The following MARCHF1 variants were observed in gnomAD, a reference collection of about 807,000 sequenced individuals.
The protein encoded by MARCHF1 is membrane associated ring-CH-type finger 1.
In MARCHF1, 40 loss-of-function variants were observed where a neutral mutation model predicts 54.2. The ratio of observed to expected loss-of-function variants is 0.74; its 90% CI spans 0.57 to 0.96. The LOEUF (loss-of-function observed/expected upper bound fraction) is 0.96. Ranked by LOEUF, MARCHF1 falls within the 40% of genes least tolerant of loss-of-function variation. The pLI, the probability that MARCHF1 is intolerant of heterozygous loss-of-function variation, is 0.00. For synonymous variants in MARCHF1, 236 were observed against 236.3 expected, an observed-to-expected ratio of 1.00 and a Z score of 0.01; for missense variants, 586 against 656.5, an observed-to-expected ratio of 0.89 and a Z score of 1.17.
intron 4 of MARCHF1, among the ~76,000 whole-genome samples, chr4:163,823,265 A>G (rs1748749619): frequency 6.6e-6 from 1 of 151,840 alleles, no homozygotes; most frequent in Non-Finnish European, 1.5e-5. Flanking sequence ...CAGCTACCCC[A>G]GTAAGGAAGC....
At chr4:163,777,099 T>C (rs13114601) in intron 4 of MARCHF1, among the ~76,000 whole-genome samples, 131,451 of 152,194 alleles carry the variant, frequency 0.86, 57,768 homozygotes, top group East Asian at 0.95. Flanking sequence ...TTATGATTAT[T>C]TGCATCTGGG....
rs201668396 is a variant in MARCHF1 at position 163,702,237 on chromosome 4, T to C, written c.112-1374A>G. Among the ~76,000 whole-genome samples, 15 of 152,260 alleles carry C rather than the reference T, an allele frequency of 9.9e-5. No individual in the cohort carries two copies. In the East Asian group the frequency reaches 2.9e-3, roughly 29 times the overall value. The stretch of plus-strand genomic sequence containing the variant: ...AACAGCCCCATGCTCCAGCTGGAGA[T>C]TAATGTATATGCTACCACAGACATT... On this transcript the variant is annotated intron_variant, in intron 4 of 9. Transcript: ENST00000514618.
chr4:163,646,645 C>T (rs542600404), intron 5 of MARCHF1, among the ~76,000 whole-genome samples: 22 of 151,824 alleles, frequency 1.4e-4, no homozygotes, highest in South Asian at 1.0e-3. Flanking sequence ...TATTTGTATG[C>T]GGGGAGTAAA....
intron 2 of MARCHF1, among the ~76,000 whole-genome samples, chr4:164,007,958 A>G (rs1350696419): frequency 6.6e-6 from 1 of 152,138 alleles, no homozygotes; most frequent in African/African-American, 2.4e-5. Flanking sequence ...GGCAGGAGTA[A>G]GTACTCACTC....
intron 8 of MARCHF1, among the ~76,000 whole-genome samples, chr4:163,550,507 CTTTT>C (rs35963243): frequency 0.012 from 1,773 of 142,190 alleles, 42 homozygotes; most frequent in African/African-American, 0.042. Context: ...TACGGTAGCC[CTTTT>C]TTTTTTTTTT....
At chr4:164,035,244 A>G (rs1043099744) in intron 2 of MARCHF1, among the ~76,000 whole-genome samples, 1 of 152,076 alleles carries the variant, frequency 6.6e-6, no homozygotes, top group Non-Finnish European at 1.5e-5. Flanking sequence ...GTTATTCTAA[A>G]TGTCTTCAGA....
chr4:164,083,858 A>C (rs1216147406), intron 2 of MARCHF1, among the ~76,000 whole-genome samples: 1 of 152,114 alleles, frequency 6.6e-6, no homozygotes, highest in East Asian at 1.9e-4. Context: ...GCATGAAAAC[A>C]GAGGTAAAAA....
intron 1 of MARCHF1, among the ~76,000 whole-genome samples, chr4:164,118,442 A>C (rs1285650524): frequency 6.6e-6 from 1 of 150,894 alleles, no homozygotes; most frequent in Non-Finnish European, 1.5e-5. Flanking sequence ...TATTTGTATA[A>C]ACATATAAAT....
chr4:163,887,467 C>T (rs1395747923), intron 3 of MARCHF1, among the ~76,000 whole-genome samples: 1 of 152,064 alleles, frequency 6.6e-6, no homozygotes. Context: ...TGTTCAGGGA[C>T]CAGCAGCACC....
At chr4:163,641,223 C>A (rs545090246) in intron 5 of MARCHF1, among the ~76,000 whole-genome samples, 1 of 152,010 alleles carries the variant, frequency 6.6e-6, no homozygotes, top group Non-Finnish European at 1.5e-5. Context: ...AAAGTTGTTA[C>A]TTTATAAAAT....
chr4:163,989,626 TA>T, intron 2 of MARCHF1, among the ~76,000 whole-genome samples: 1 of 152,370 alleles, frequency 6.6e-6, no homozygotes, highest in East Asian at 1.9e-4. Flanking sequence ...TTCTGCTTTT[TA>T]AATTTAAAAA....
intron 1 of MARCHF1, among the ~76,000 whole-genome samples, chr4:164,179,071 T>G (rs1251431015): frequency 6.6e-6 from 1 of 152,186 alleles, no homozygotes; most frequent in Non-Finnish European, 1.5e-5. Context: ...GGGATGAGAC[T>G]ACGTTCTCCT....
intron 1 of MARCHF1, among the ~76,000 whole-genome samples, chr4:164,139,288 G>A (rs939316211): frequency 2.0e-5 from 3 of 152,038 alleles, no homozygotes; most frequent in Non-Finnish European, 4.4e-5. Context: ...TTCACAAAAC[G>A]GCAATATTCC....
intron 1 of MARCHF1, among the ~76,000 whole-genome samples, chr4:164,322,635 G>A (rs1170522001): frequency 6.6e-6 from 1 of 151,974 alleles, no homozygotes; most frequent in Non-Finnish European, 1.5e-5. Flanking sequence ...TCTTCATGAT[G>A]TTCTTGTTTT....
chr4:164,008,747 G>A (rs534768001), intron 2 of MARCHF1, among the ~76,000 whole-genome samples: 2 of 152,184 alleles, frequency 1.3e-5, no homozygotes, highest in South Asian at 4.1e-4. Context: ...TGAGTCAATT[G>A]AGAAGTTAAG....
intron 3 of MARCHF1, among the ~76,000 whole-genome samples, chr4:163,987,479 A>T (rs1003062607): frequency 1.8e-4 from 27 of 151,590 alleles, no homozygotes; most frequent in Middle Eastern, 6.8e-3. Context: ...CCTTTCAAAC[A>T]CTCCTTGACA....
chr4:163,693,448 T>A (rs935810706), intron 5 of MARCHF1, among the ~76,000 whole-genome samples: 2 of 151,326 alleles, frequency 1.3e-5, no homozygotes, highest in African/African-American at 4.9e-5. Context: ...CCTAGAATGA[T>A]AGAAGGTTCT....
chr4:164,141,906 G>A (rs188575112), intron 1 of MARCHF1, among the ~76,000 whole-genome samples: 1,614 of 150,506 alleles, frequency 0.011, 25 homozygotes, highest in African/African-American at 0.037. Context: ...TCCATCTGAG[G>A]TACCGGGTTC....
chr4:164,359,967 C>T (rs1730677092), intron 1 of MARCHF1, among the ~76,000 whole-genome samples: 1 of 152,092 alleles, frequency 6.6e-6, no homozygotes, highest in Non-Finnish European at 1.5e-5. Context: ...TAAAAAATGA[C>T]ATTATTCCAG....
Sources: gnomAD v4.1 joint callset for allele counts (sites outside exome capture counted in the v4.1 genomes callset) on GRCh38, gnomAD v4.1.1 for gene constraint, MANE v1.5 for transcripts, NCBI Gene and HGNC (gene_info 2026-07-23, HGNC 2026-07-21) for gene names.